The following MYO18A variants were observed in gnomAD, a reference collection of about 807,000 sequenced individuals.
MYO18A encodes the protein unconventional myosin-XVIIIa.
MYO18A carries 78 observed loss-of-function variants against 235.8 expected under a neutral mutation model. That is an observed-to-expected ratio of 0.33 (90% CI 0.28 to 0.40). MYO18A has a LOEUF of 0.40. MYO18A is among the 10% of genes least tolerant of loss of function. The probability of loss-of-function intolerance (pLI) is 1.00; values close to 1 mark genes in which losing one functional copy is unlikely to be tolerated. For synonymous variants in MYO18A, 977 were observed against 1,077.8 expected, an observed-to-expected ratio of 0.91 and a Z score of 1.83; for missense variants, 2,215 against 2,699.3, an observed-to-expected ratio of 0.82 and a Z score of 3.98.
At chr17:29,089,777 C>T (rs753610616) in intron 37 of MYO18A, among the ~76,000 whole-genome samples, 184 bp downstream of exon 37, 5 of 152,238 alleles carry the variant, frequency 3.3e-5, no homozygotes, top group East Asian at 3.9e-4. Flanking sequence ...GCGGGCTCCA[C>T]GGTAGCCAGA....
chr17:29,155,154 G>A (rs1168401916), intron 2 of MYO18A: 2 of 152,222 alleles, frequency 1.3e-5, no homozygotes, highest in Non-Finnish European at 2.9e-5. Context: ...TTCTGTCCTT[G>A]CAGAAGCACA....
intron 2 of MYO18A, among the ~76,000 whole-genome samples, chr17:29,132,385 G>A (rs1199480132): frequency 6.6e-6 from 1 of 152,190 alleles, no homozygotes; most frequent in Non-Finnish European, 1.5e-5. Flanking sequence ...CCCTCCAAAA[G>A]CTCAGGCAGT....
At chr17:29,114,191 G>T in intron 14 of MYO18A, 94 bp from the exon 15 acceptor site, 2 of 898,092 alleles carry the variant, frequency 2.2e-6, no homozygotes, top group Non-Finnish European at 3.6e-6. Context: ...AGATCAGCAA[G>T]GCCAACCTCC....
At chr17:29,084,978 G>C (rs2066216759) in intron 40 of MYO18A, among the ~76,000 whole-genome samples, 1 of 152,184 alleles carries the variant, frequency 6.6e-6, no homozygotes, top group Admixed American at 6.5e-5. Context: ...AGCGCCCGCT[G>C]GGGCCTCCCT....
chr17:29,092,777 A>C, intron 33 of MYO18A, 78 bp downstream of exon 33: 1 of 1,553,086 alleles, frequency 6.4e-7, no homozygotes, highest in Non-Finnish European at 8.7e-7. Flanking sequence ...AGAACCACTG[A>C]GAGGAGCGAG....
chr17:29,094,948 C>T lies in MYO18A; in HGVS notation c.4497G>A (p.Lys1499=). ...TGGCCCTACCCACCTCTAGTTGCTG[C>T]TTCAGGCTGAAAGCCTCAGCGAGGA... The part of the protein sequence containing the change: ...DMLLAEAFSL[K]QQLEEKDMDI... The change falls in exon 29 of 42, where the codon AAG becomes AAA. Residue 1499 remains lysine, a synonymous_variant. Transcript: ENST00000527372. The T allele has an allele frequency of 1.9e-6, 3 of 1,609,922 alleles. No individual in the cohort carries two copies. Among genetic ancestry groups the T allele is most frequent in the East Asian group, 2.2e-5 (1 of 44,802 alleles).
At chr17:29,107,995 C>A (rs1367883648) in intron 19 of MYO18A, among the ~76,000 whole-genome samples, 1 of 151,822 alleles carries the variant, frequency 6.6e-6, no homozygotes, top group Non-Finnish European at 1.5e-5. Context: ...CCTGGCCCTG[C>A]CTCTTAGGAT....
intron 2 of MYO18A, among the ~76,000 whole-genome samples, chr17:29,135,647 C>G (rs1030581707): frequency 6.6e-6 from 1 of 152,084 alleles, no homozygotes; most frequent in African/African-American, 2.4e-5. Context: ...GGACACCGGG[C>G]CATTTCCACC....
chr17:29,166,303 A>T lies in MYO18A; in HGVS notation c.638T>A (p.Leu213Gln), dbSNP rs2068282456. The change falls in exon 2 of 42, where the codon CTG becomes CAG. Residue 213 changes from leucine (L) to glutamine (Q), a missense_variant. Leu to Gln is a moderately radical substitution (Grantham distance 113, BLOSUM62 -2). Coordinates refer to ENST00000527372, the MANE Select transcript of MYO18A (RefSeq NM_078471.4). ...CAGCTCCCGGAGGGTAGGTGGGGGCAGGGGCACCACGGGGGGCAGGCGCAG... is the reference window on the plus strand; with the variant it reads ...CAGCTCCCGGAGGGTAGGTGGGGGCTGGGGCACCACGGGGGGCAGGCGCAG... ...VDLRLPPVVP[L>Q]PPPTLRELEL... 1 of 1,612,540 alleles carries T rather than the reference A, an allele frequency of 6.2e-7. No homozygotes were observed. Among genetic ancestry groups the T allele is most frequent in the Non-Finnish European group, 8.5e-7 (1 of 1,179,854 alleles).
intron 1 of MYO18A, among the ~76,000 whole-genome samples, chr17:29,178,284 C>G (rs1050079039): frequency 2.0e-5 from 3 of 152,110 alleles, no homozygotes; most frequent in African/African-American, 7.2e-5. Context: ...CTGGGCCAGG[C>G]CAGGAGAGAG....
chr17:29,110,190 A>T (rs2279959), intron 18 of MYO18A, 89 bp from the exon 19 acceptor site: 3 of 1,527,766 alleles, frequency 2.0e-6, no homozygotes, highest in Non-Finnish European at 2.6e-6. Context: ...CACTGCTCAC[A>T]GGGTAGCAGC....
chr17:29,090,539 T>C lies in MYO18A; in HGVS notation c.5381A>G (p.Gln1794Arg). ...GGAGCCCCTGGTCCTCACCTTCTCC[T>C]GCAGCTCCTGCTTCTCTTTGTTGGC... The part of the protein sequence containing the change: ...EEANKEKQEL[Q>R]EKLQALQSQV... Residue 1794 changes from glutamine (Q) to arginine (R), a missense_variant, in exon 36 of 42, where the codon CAG becomes CGG. Coordinates refer to ENST00000527372, the MANE Select transcript of MYO18A (RefSeq NM_078471.4). 6.3e-7 allele frequency: 1 copy of C among 1,590,662 alleles called. No individual in the cohort carries two copies.
chr17:29,110,645 G>T, intron 17 of MYO18A, 23 bp from the exon 18 acceptor site: 1 of 1,592,050 alleles, frequency 6.3e-7, no homozygotes. Context: ...GGAGGATAAG[G>T]GAGGAAAAGC....
Position 29,110,488 on chromosome 17 carries a change from C to G in MYO18A, c.3035G>C (p.Gly1012Ala). The change falls in exon 18 of 42, where the codon GGC (glycine) becomes GCC (alanine). Residue 1012 changes from glycine to alanine, a missense_variant. Coordinates refer to ENST00000527372, the MANE Select transcript of MYO18A (RefSeq NM_078471.4). Reference sequence around the variant, plus strand: ...TGACTTCTTTTTGACAGCCGCCATGCCTGTGGTAAAGGTTTTCCGCATGCT... The same window carrying G: ...TGACTTCTTTTTGACAGCCGCCATGGCTGTGGTAAAGGTTTTCCGCATGCT... The part of the protein sequence containing the change: ...ATSMRKTFTT[G>A]MAAVKKKSLC... 6.2e-7 allele frequency: 1 copy of G among 1,602,026 alleles called. No individual in the cohort carries two copies. Among genetic ancestry groups the G allele is most frequent in the Non-Finnish European group, 8.5e-7 (1 of 1,174,632 alleles).
chr17:29,131,525 G>C (rs1567620053), intron 2 of MYO18A: 1 of 683,388 alleles, frequency 1.5e-6, no homozygotes, highest in Non-Finnish European at 1.8e-6. Flanking sequence ...ACATTCAAGG[G>C]GCCTCCCTCA....
chr17:29,116,613 G>GCACACACACACACACACA (rs144361514), intron 10 of MYO18A, among the ~76,000 whole-genome samples, 158 bp from the exon 11 acceptor site: 20,118 of 144,768 alleles, frequency 0.14, 1,602 homozygotes, highest in East Asian at 0.27. Context: ...TGGGACAAAC[G>GCACACACACACACACACA]CACACACACA....
Position 29,107,178 on chromosome 17 carries a change from G to T in MYO18A, c.3343C>A (p.His1115Asn). The T allele has an allele frequency of 6.2e-7, 1 of 1,613,960 alleles. No homozygotes were observed. The highest frequency in any genetic ancestry group is 8.5e-7 in the Non-Finnish European group (1 of 1,179,874). ...CGGCGGAACTCGGAAAACACCATGT[G>T]GTCAGGGTAACCTAGAGAGAGCAGC... ...MRMYRQGYPD[H>N]MVFSEFRRRF... Residue 1115 changes from histidine (H) to asparagine (N), a missense_variant, in exon 20 of 42, where the codon CAC (histidine) becomes AAC (asparagine). Coordinates refer to ENST00000527372, the MANE Select transcript of MYO18A (RefSeq NM_078471.4).
intron 31 of MYO18A, among the ~76,000 whole-genome samples, chr17:29,093,688 C>G (rs1031221628): frequency 1.3e-5 from 2 of 152,100 alleles, no homozygotes; most frequent in African/African-American, 2.4e-5. Context: ...GAGACCTGCC[C>G]GGCCAGGCTG....
intron 2 of MYO18A, among the ~76,000 whole-genome samples, 183 bp downstream of exon 2, chr17:29,165,759 T>G (rs2068266500): frequency 1.3e-5 from 2 of 152,202 alleles, no homozygotes; most frequent in South Asian, 4.1e-4. Flanking sequence ...CAGAGGATTA[T>G]GAGCATGGGG....
Sources: gnomAD v4.1 joint callset for allele counts (sites outside exome capture counted in the v4.1 genomes callset) on GRCh38, gnomAD v4.1.1 for gene constraint, MANE v1.5 for transcripts, NCBI Gene and HGNC (gene_info 2026-07-23, HGNC 2026-07-21) for gene names.